The following CSE1L variants were observed in gnomAD, a reference collection of about 807,000 sequenced individuals.
CSE1L encodes the protein exportin-2.
Under a neutral mutation model 120.4 loss-of-function variants are expected in CSE1L, and 24 were observed. The observed-to-expected ratio is 0.20, with a 90% CI of 0.14 to 0.28. The LOEUF is 0.28. Ranked by LOEUF, CSE1L falls within the 10% of genes least tolerant of loss-of-function variation. The probability of loss-of-function intolerance (pLI) is 1.00; values close to 1 mark genes in which losing one functional copy is unlikely to be tolerated. For missense variants in CSE1L, 830 were observed against 1,145.2 expected, an observed-to-expected ratio of 0.72 and a Z score of 3.97; for synonymous variants, 402 against 398.3, an observed-to-expected ratio of 1.01 and a Z score of -0.11.
At chr20:49,091,991 T>TA (rs2092105318) in intron 21 of CSE1L, 55 bp from the exon 22 acceptor site, 1 of 933,342 alleles carries the variant, frequency 1.1e-6, no homozygotes, top group African/African-American at 1.7e-5. Context: ...ACTTATCAGT[T>TA]ACCAGTTTAG....
In CSE1L at chr20:49,078,558, T is replaced by C. The variant is rs1158449856; in HGVS notation, c.1421-3T>C. The C allele has an allele frequency of 8.3e-6, 13 of 1,568,092 alleles. No individual in the cohort carries two copies. The highest frequency in any genetic ancestry group is 2.7e-5 in the African/African-American group (2 of 73,070). Reference sequence around the variant, plus strand: ...AACTGTGGCTTTCTGTTTTTTTATATAGTGAATGAATTTCCTGTCCTTAAA... The same window carrying C: ...AACTGTGGCTTTCTGTTTTTTTATACAGTGAATGAATTTCCTGTCCTTAAA... On this transcript the variant is annotated splice_region_variant and splice_polypyrimidine_tract_variant and intron_variant, in intron 13 of 24. Coordinates refer to ENST00000262982, the MANE Select transcript of CSE1L (RefSeq NM_001316.4).
intron 1 of CSE1L, among the ~76,000 whole-genome samples, chr20:49,055,871 T>C (rs2091802643): frequency 1.3e-5 from 2 of 152,180 alleles, no homozygotes; most frequent in Admixed American, 1.3e-4. Flanking sequence ...TTTTTTGTTT[T>C]CTTCTATATG....
At position 49,091,032 on chromosome 20, in the gene CSE1L, A is replaced by G; in HGVS notation, c.2365+10A>G. 1.3e-6 allele frequency: 2 copies of G among 1,508,376 alleles called. No individual in the cohort carries two copies. The highest frequency in any genetic ancestry group is 1.8e-6 in the Non-Finnish European group (2 of 1,086,400). The allele number at this position is 1,508,376 out of a possible 1,614,324, so 93.4% of individuals were successfully genotyped here. ...ACCAAGTTTATCAAGAGTAAGTAAAATCATCTGGATGTTCTACAGAAGTAA... is the reference window on the plus strand; with the variant it reads ...ACCAAGTTTATCAAGAGTAAGTAAAGTCATCTGGATGTTCTACAGAAGTAA... On this transcript the variant is annotated intron_variant, in intron 21 of 24. Transcript: ENST00000262982.
intron 8 of CSE1L, among the ~76,000 whole-genome samples, chr20:49,072,043 G>A (rs2091936137): frequency 6.6e-6 from 1 of 151,588 alleles, no homozygotes; most frequent in Non-Finnish European, 1.5e-5. Flanking sequence ...TGGGATTACC[G>A]GCGTGAGCCA....
At chr20:49,093,410 A>C (rs1190283718) in intron 22 of CSE1L, among the ~76,000 whole-genome samples, 1 of 152,170 alleles carries the variant, frequency 6.6e-6, no homozygotes, top group East Asian at 1.9e-4. Context: ...AACAACATAG[A>C]ATGATTGGCC....
chr20:49,091,377 A>G (rs2092099826), intron 21 of CSE1L, among the ~76,000 whole-genome samples: 2 of 151,724 alleles, frequency 1.3e-5, no homozygotes, highest in African/African-American at 2.4e-5. Context: ...GTGAGCCAAG[A>G]TTACACCCAC....
At position 49,072,373 on chromosome 20, in the gene CSE1L, T is replaced by A. The variant is rs754115193; in HGVS notation, c.856T>A (p.Phe286Ile). The A allele has an allele frequency of 1.5e-5, 24 of 1,614,042 alleles. No homozygotes were observed. The highest frequency in any genetic ancestry group is 4.2e-6 in the Non-Finnish European group (5 of 1,180,040). The change falls in exon 9 of 25, where the codon TTC (phenylalanine) becomes ATC (isoleucine). Residue 286 changes from phenylalanine (F) to isoleucine (I), a missense_variant. Phe to Ile is a conservative substitution (Grantham distance 21, BLOSUM62 0). Transcript: ENST00000262982. ...CTATGCACAAAAGTACGATGAAGAA[T>A]TCCAGCGATACCTGCCTCGTTTTGT... ...ALYAQKYDEEFQRYLPRFVTA... is the reference protein window; with the variant it reads ...ALYAQKYDEEIQRYLPRFVTA...
chr20:49,094,370 G>A (rs2092124176), intron 23 of CSE1L, 84 bp downstream of exon 23: 4 of 1,319,558 alleles, frequency 3.0e-6, no homozygotes, highest in Admixed American at 2.1e-5. Context: ...TTCTCTTGGG[G>A]GCCAAGAGAA....
At chr20:49,088,149 C>G (rs766477294) in intron 17 of CSE1L, 43 bp downstream of exon 17, 2 of 1,357,340 alleles carry the variant, frequency 1.5e-6, no homozygotes, top group Non-Finnish European at 2.1e-6. Flanking sequence ...TTTTTATTTG[C>G]TCCAAACTGT....
intron 16 of CSE1L, among the ~76,000 whole-genome samples, chr20:49,086,359 C>T (rs1240755261): frequency 2.6e-5 from 2 of 77,644 alleles, no homozygotes; most frequent in East Asian, 3.4e-4. Flanking sequence ...GTTTAATGTC[C>T]TTTTTTTTTT....
At chr20:49,056,834 ATTAC>A (rs1382518147) in intron 1 of CSE1L, among the ~76,000 whole-genome samples, 3 of 149,816 alleles carry the variant, frequency 2.0e-5, no homozygotes, top group Middle Eastern at 3.4e-3. Flanking sequence ...TAATTAACAT[ATTAC>A]TTCACATGCT....
At chr20:49,077,168 T>TTC in intron 13 of CSE1L, 104 bp downstream of exon 13, 1 of 726,176 alleles carries the variant, frequency 1.4e-6, no homozygotes, top group Non-Finnish European at 2.2e-6. Flanking sequence ...TTTTTTTTTT[T>TTC]TTTTCTTTTG....
rs1365213370 is a variant in CSE1L, at chr20:49,067,296, T to C, written c.567+16T>C. The stretch of plus-strand genomic sequence containing the variant: ...TCTTTTTAAGGTATGGAATGCATCT[T>C]GGTGATATTTTTAAATTAATATTTT... On this transcript the variant is annotated intron_variant, in intron 6 of 24. Coordinates refer to ENST00000262982, the MANE Select transcript of CSE1L (RefSeq NM_001316.4). The C allele has an allele frequency of 6.7e-7, 1 of 1,501,064 alleles. No homozygotes were observed. The highest frequency in any genetic ancestry group is 1.2e-5 in the South Asian group (1 of 84,570). 93.0% of individuals were successfully genotyped at this position (1,501,064 alleles called of 1,614,324 possible). A position where few individuals can be genotyped will look rare whatever the true frequency, so the allele number is the denominator to read the frequency against.
chr20:49,056,863 G>C (rs1267189213), intron 1 of CSE1L, among the ~76,000 whole-genome samples: 1 of 150,202 alleles, frequency 6.7e-6, no homozygotes, highest in Non-Finnish European at 1.5e-5. Context: ...GTGTGTGTGT[G>C]TGTGTGTGTG....
Position 49,063,289 on chromosome 20 carries a change from T to C in CSE1L, c.173T>C (p.Ile58Thr), listed in dbSNP as rs2091866450. 3 of 1,568,286 alleles carry C rather than the reference T, an allele frequency of 1.9e-6. No individual in the cohort carries two copies. The highest frequency in any genetic ancestry group is 1.4e-5 in the African/African-American group (1 of 73,158). ...CTGGAGAAGTCCCAGGATAATGTTA[T>C]CAAAGTATGTGCTTCAGTAACATTC... The part of the protein sequence containing the change: ...TLLEKSQDNV[I>T]KVCASVTFKN... Residue 58 changes from isoleucine (I) to threonine (T), a missense_variant, in exon 3 of 25, where the codon ATC becomes ACC. Transcript: ENST00000262982.
chr20:49,068,683 A>G (rs760646960), intron 6 of CSE1L, 32 bp from the exon 7 acceptor site: 1 of 1,427,244 alleles, frequency 7.0e-7, no homozygotes, highest in African/African-American at 1.4e-5. Flanking sequence ...TTTATGATGC[A>G]CTAAAACCAT....
intron 24 of CSE1L, 146 bp downstream of exon 24, chr20:49,095,109 T>G (rs2092129856): frequency 4.2e-6 from 3 of 710,532 alleles, no homozygotes; most frequent in Non-Finnish European, 4.9e-6. Flanking sequence ...TTTCTTTAAT[T>G]AAAAACACTG....
At chr20:49,068,138 G>A (rs1044989724) in intron 6 of CSE1L, among the ~76,000 whole-genome samples, 1 of 151,920 alleles carries the variant, frequency 6.6e-6, no homozygotes, top group Non-Finnish European at 1.5e-5. Flanking sequence ...TTTAATAAGA[G>A]CATATAAAGA....
intron 14 of CSE1L, among the ~76,000 whole-genome samples, chr20:49,083,262 A>C (rs186919497): frequency 1.3e-5 from 2 of 151,198 alleles, no homozygotes; most frequent in South Asian, 4.2e-4. Flanking sequence ...CTCGTGATCT[A>C]CCCACCTCGG....
Sources: gnomAD v4.1 joint callset for allele counts (sites outside exome capture counted in the v4.1 genomes callset) on GRCh38, gnomAD v4.1.1 for gene constraint, MANE v1.5 for transcripts, NCBI Gene and HGNC (gene_info 2026-07-23, HGNC 2026-07-21) for gene names.